Variants in SEMA5A observed in about 807,000 individuals in gnomAD.
The protein encoded by SEMA5A is semaphorin-5A.
SEMA5A carries 55 observed loss-of-function variants against 135.5 expected under a neutral mutation model. The observed-to-expected ratio is 0.41, with a 90% CI of 0.33 to 0.51. SEMA5A has a LOEUF of 0.51. Ranked by LOEUF, SEMA5A falls within the 20% of genes least tolerant of loss-of-function variation. The pLI is 0.37. For missense variants in SEMA5A, 1,290 were observed against 1,419.9 expected (o/e 0.91, Z 1.47); for synonymous variants, 580 against 546.5 (o/e 1.06, Z -0.85).
At chr5:9,336,702 C>G (rs540094591) in intron 4 of SEMA5A, among the ~76,000 whole-genome samples, 1 of 152,194 alleles carries the variant, frequency 6.6e-6, no homozygotes, top group East Asian at 1.9e-4. Context: ...TACAAGGACA[C>G]CTCAAGATCC....
At chr5:9,115,943 C>T (rs551087675) in intron 15 of SEMA5A, among the ~76,000 whole-genome samples, 15 of 152,266 alleles carry the variant, frequency 9.9e-5, no homozygotes, top group African/African-American at 3.4e-4. Context: ...GTCTTTCCTG[C>T]TGGATTTTAA....
intron 5 of SEMA5A, among the ~76,000 whole-genome samples, chr5:9,245,605 G>A (rs1748442925): frequency 6.6e-6 from 1 of 152,120 alleles, no homozygotes; most frequent in Non-Finnish European, 1.5e-5. Context: ...AAATTGAAAT[G>A]ACAGCGGACA....
chr5:9,278,113 TAAAAA>T (rs58789253), intron 5 of SEMA5A, among the ~76,000 whole-genome samples: 1 of 143,342 alleles, frequency 7.0e-6, no homozygotes, highest in Non-Finnish European at 1.5e-5. Context: ...CATGTAAACT[TAAAAA>T]AAAAAAAAAA....
intron 1 of SEMA5A, among the ~76,000 whole-genome samples, chr5:9,457,749 T>G (rs1309242620): frequency 1.3e-5 from 2 of 152,164 alleles, no homozygotes; most frequent in Non-Finnish European, 2.9e-5. Flanking sequence ...GGAAGGTTTT[T>G]TTCCTCCAAA....
intron 1 of SEMA5A, among the ~76,000 whole-genome samples, chr5:9,482,034 G>A (rs1271606815): frequency 2.0e-5 from 3 of 152,146 alleles, no homozygotes; most frequent in African/African-American, 7.2e-5. Flanking sequence ...GAGTTTCAGT[G>A]CCTCATGAAA....
chr5:9,494,734 G>A (rs1002481944), intron 1 of SEMA5A, among the ~76,000 whole-genome samples: 2 of 152,092 alleles, frequency 1.3e-5, no homozygotes, highest in African/African-American at 4.8e-5. Flanking sequence ...AACACAGATT[G>A]TATAACGTGT....
intron 6 of SEMA5A, chr5:9,237,569 A>G: frequency 3.1e-6 from 1 of 321,410 alleles, no homozygotes; most frequent in Non-Finnish European, 5.6e-6. Flanking sequence ...TTAATTTCTT[A>G]TCTTAGTCTA....
intron 5 of SEMA5A, among the ~76,000 whole-genome samples, chr5:9,299,204 TG>T (rs1751489487): frequency 6.6e-6 from 1 of 152,190 alleles, no homozygotes; most frequent in Admixed American, 6.5e-5. Context: ...TCTATTCATC[TG>T]GTCTAATCCT....
At chr5:9,193,240 C>A (rs772529875) in intron 10 of SEMA5A, among the ~76,000 whole-genome samples, 42 of 152,116 alleles carry the variant, frequency 2.8e-4, no homozygotes, top group Admixed American at 2.0e-4. Flanking sequence ...AATTTTCTAG[C>A]TTTGCCTTTT....
At chr5:9,283,117 C>T (rs1750625387) in intron 5 of SEMA5A, among the ~76,000 whole-genome samples, 1 of 152,298 alleles carries the variant, frequency 6.6e-6, no homozygotes, top group South Asian at 2.1e-4. Context: ...AGCAGTATCA[C>T]AAAACTGATA....
chr5:9,323,648 CT>C (rs1752731261), intron 4 of SEMA5A, among the ~76,000 whole-genome samples: 2 of 114,836 alleles, frequency 1.7e-5, no homozygotes, highest in African/African-American at 3.3e-5. Context: ...TTAAATGTTT[CT>C]TTTTTTCCTT....
intron 21 of SEMA5A, among the ~76,000 whole-genome samples, chr5:9,047,473 G>A (rs1469958975): frequency 6.6e-6 from 1 of 152,126 alleles, no homozygotes; most frequent in Admixed American, 6.5e-5. Context: ...CTGATTTTCT[G>A]CATGGGGAAA....
chr5:9,061,802 G>C (rs1223101640), intron 18 of SEMA5A, among the ~76,000 whole-genome samples: 3 of 151,948 alleles, frequency 2.0e-5, no homozygotes, highest in African/African-American at 7.3e-5. Flanking sequence ...GCCCACAGGA[G>C]AGAAGAGTTT....
At chr5:9,390,051 C>A (rs1227586851) in intron 2 of SEMA5A, among the ~76,000 whole-genome samples, 1 of 152,220 alleles carries the variant, frequency 6.6e-6, no homozygotes, top group Non-Finnish European at 1.5e-5. Context: ...ACAATATTAG[C>A]ACTTCCATTA....
intron 1 of SEMA5A, among the ~76,000 whole-genome samples, chr5:9,477,153 C>G (rs1453930095): frequency 6.6e-6 from 1 of 152,116 alleles, no homozygotes; most frequent in Non-Finnish European, 1.5e-5. Context: ...TAAGACGTGC[C>G]TCTTTTCCCC....
At chr5:9,108,933 G>C (rs1380225863) in intron 15 of SEMA5A, among the ~76,000 whole-genome samples, 1 of 149,438 alleles carries the variant, frequency 6.7e-6, no homozygotes, top group Non-Finnish European at 1.5e-5. Flanking sequence ...TTCAGTGTTT[G>C]AATATACTTC....
chr5:9,222,180 A>G (rs921354652), intron 8 of SEMA5A, among the ~76,000 whole-genome samples: 1 of 152,166 alleles, frequency 6.6e-6, no homozygotes, highest in Non-Finnish European at 1.5e-5. Context: ...CTGTGTCCCA[A>G]TTAGGCCAGG....
intron 8 of SEMA5A, among the ~76,000 whole-genome samples, chr5:9,215,812 CCTAT>C (rs1393936623): frequency 2.0e-5 from 3 of 150,978 alleles, no homozygotes. Flanking sequence ...TAGCTAGTGG[CCTAT>C]CTTATTTTTT....
In SEMA5A at chr5:9,221,560, C is replaced by T. The variant is rs529639449; in HGVS notation, c.646+3114G>A. On this transcript the variant is annotated intron_variant, in intron 8 of 22. Coordinates refer to ENST00000382496, the MANE Select transcript of SEMA5A (RefSeq NM_003966.3). ...CTCGTGATCCGCCCGCCTCGGCCTC[C>T]CAAAGTGCTGGGATTACAGGCGTGA... 3.6e-4 allele frequency among the ~76,000 whole-genome samples: 55 copies of T among 152,200 alleles called. No individual in the cohort carries two copies. The South Asian group carries it at 7.5e-3, about 21-fold the overall frequency.
Sources: allele counts gnomAD v4.1 joint callset (sites outside exome capture counted in the v4.1 genomes callset), GRCh38; gene constraint gnomAD v4.1.1; transcripts MANE v1.5; gene names NCBI Gene and HGNC (gene_info 2026-07-23, HGNC 2026-07-21).